HMBOX1: variants seen among roughly 807,000 people sequenced by gnomAD.
HMBOX1 encodes the protein homeobox-containing protein 1.
In HMBOX1, 14 loss-of-function variants were observed where a neutral mutation model predicts 54.5. That is an observed-to-expected ratio of 0.26 (90% CI 0.17 to 0.40). HMBOX1 has a LOEUF of 0.40. Ranked by LOEUF, HMBOX1 falls within the 10% of genes least tolerant of loss-of-function variation. The pLI, the probability that HMBOX1 is intolerant of heterozygous loss-of-function variation, is 1.00. For synonymous variants in HMBOX1, 160 were observed against 181.0 expected (o/e 0.88, Z 0.93); for missense variants, 332 against 514.4 (o/e 0.65, Z 3.43).
intron 4 of HMBOX1, among the ~76,000 whole-genome samples, chr8:28,989,473 G>A (rs1378975240): frequency 6.6e-6 from 1 of 151,976 alleles, no homozygotes; most frequent in Non-Finnish European, 1.5e-5. Flanking sequence ...GAAAAGTCTA[G>A]CCTTTCCCCG....
chr8:29,022,360 G>A (rs777698745), intron 6 of HMBOX1, among the ~76,000 whole-genome samples: 2 of 152,202 alleles, frequency 1.3e-5, no homozygotes, highest in Non-Finnish European at 2.9e-5. Flanking sequence ...TGAAGCTGCA[G>A]TGAGCTATGA....
intron 6 of HMBOX1, among the ~76,000 whole-genome samples, chr8:29,027,292 G>T (rs1802212529): frequency 6.6e-6 from 1 of 152,178 alleles, no homozygotes; most frequent in South Asian, 2.1e-4. Context: ...GTACTTACGG[G>T]CTGTGAGGCA....
At chr8:28,903,762 A>C (rs891399168) in intron 1 of HMBOX1, among the ~76,000 whole-genome samples, 5 of 152,256 alleles carry the variant, frequency 3.3e-5, no homozygotes, top group African/African-American at 9.6e-5. Context: ...AAGCATTAAA[A>C]ATTGATGACT....
At chr8:28,918,137 G>A (rs1563384195) in intron 1 of HMBOX1, among the ~76,000 whole-genome samples, 1 of 152,294 alleles carries the variant, frequency 6.6e-6, no homozygotes, top group South Asian at 2.1e-4. Context: ...AGTTTTCTTG[G>A]TTGTGATATT....
At chr8:28,944,007 A>G (rs975198411) in intron 1 of HMBOX1, among the ~76,000 whole-genome samples, 1 of 152,190 alleles carries the variant, frequency 6.6e-6, no homozygotes. Flanking sequence ...TTGTACATAC[A>G]GAGACACCTT....
chr8:28,934,535 C>G (rs2131941130), intron 1 of HMBOX1, among the ~76,000 whole-genome samples: 1 of 152,296 alleles, frequency 6.6e-6, no homozygotes, highest in East Asian at 1.9e-4. Flanking sequence ...CACAGACAAC[C>G]TAATTGTGCT....
intron 1 of HMBOX1, among the ~76,000 whole-genome samples, chr8:28,935,199 A>G (rs1263993017): frequency 1.3e-5 from 2 of 152,226 alleles, no homozygotes; most frequent in Non-Finnish European, 2.9e-5. Flanking sequence ...AGTTCTTTCC[A>G]AATTGTTGAT....
chr8:28,992,855 G>A (rs185495991), intron 4 of HMBOX1, among the ~76,000 whole-genome samples: 37 of 123,960 alleles, frequency 3.0e-4, no homozygotes, highest in Non-Finnish European at 4.9e-4. Context: ...GGGTGACAGT[G>A]CGAGACTCTG....
At chr8:28,900,715 GA>G (rs1813096566) in intron 1 of HMBOX1, among the ~76,000 whole-genome samples, 1 of 152,088 alleles carries the variant, frequency 6.6e-6, no homozygotes. Context: ...CTCTTAAGAA[GA>G]CAGTCTTTTT....
intron 6 of HMBOX1, among the ~76,000 whole-genome samples, chr8:29,022,471 C>A (rs980950850): frequency 1.2e-4 from 19 of 152,052 alleles, no homozygotes; most frequent in African/African-American, 4.6e-4. Flanking sequence ...GAAAAGATAA[C>A]AGCACTGTTT....
chr8:28,922,200 C>CAA (rs1817671335), intron 1 of HMBOX1, among the ~76,000 whole-genome samples: 1 of 152,182 alleles, frequency 6.6e-6, no homozygotes, highest in Non-Finnish European at 1.5e-5. Flanking sequence ...ACAATACAGT[C>CAA]AGACAACCAT....
chr8:29,015,817 A>T (rs922822522), intron 5 of HMBOX1, among the ~76,000 whole-genome samples: 2 of 152,244 alleles, frequency 1.3e-5, no homozygotes, highest in Non-Finnish European at 2.9e-5. Flanking sequence ...GATCTCTATC[A>T]TAGCTACTCA....
Position 29,047,471 on chromosome 8 carries a change from C to T in HMBOX1, c.1030+18C>T. On this transcript the variant is annotated intron_variant, in intron 8 of 9. Transcript: ENST00000287701. Reference sequence around the variant, plus strand: ...CAATATTGGTAATGTATCAGTGAGGCTGCTTTTCTCTTGTGCAGCAGTTGT... The same window carrying T: ...CAATATTGGTAATGTATCAGTGAGGTTGCTTTTCTCTTGTGCAGCAGTTGT... The T allele has an allele frequency of 7.7e-7, 1 of 1,295,288 alleles. No individual in the cohort carries two copies. The highest frequency in any genetic ancestry group is 1.1e-6 in the Non-Finnish European group (1 of 890,720). 80.2% of individuals were successfully genotyped at this position (1,295,288 alleles called of 1,614,324 possible).
chr8:28,975,826 G>A (rs1828266352), intron 3 of HMBOX1, among the ~76,000 whole-genome samples: 1 of 151,948 alleles, frequency 6.6e-6, no homozygotes, highest in Non-Finnish European at 1.5e-5. Context: ...AAGAGAGGAA[G>A]TGAGGGGTGG....
intron 1 of HMBOX1, among the ~76,000 whole-genome samples, chr8:28,937,190 T>C (rs1001368008): frequency 3.3e-5 from 5 of 152,236 alleles, no homozygotes; most frequent in African/African-American, 1.2e-4. Flanking sequence ...TGTCAGCATT[T>C]CTGTACAGAT....
chr8:28,967,223 A>G (rs756271915), intron 2 of HMBOX1, among the ~76,000 whole-genome samples: 2 of 152,188 alleles, frequency 1.3e-5, no homozygotes, highest in African/African-American at 2.4e-5. Flanking sequence ...AAGGTGGGGT[A>G]TTACGAGTGA....
chr8:28,922,842 G>C (rs770236633), intron 1 of HMBOX1, among the ~76,000 whole-genome samples: 48 of 151,940 alleles, frequency 3.2e-4, no homozygotes, highest in Non-Finnish European at 4.4e-5. Context: ...TACTTTTGTG[G>C]CATAATAATA....
Position 29,051,721 on chromosome 8 carries a change from T to C in HMBOX1, c.*566T>C. ...AGCCACACTGTGGCTAGATTATACT[T>C]CTTTGGGTGCTGTGCTAAGAATGTC... On this transcript the variant is annotated 3_prime_UTR_variant, in exon 10 of 10. Coordinates refer to ENST00000287701, the MANE Select transcript of HMBOX1 (RefSeq NM_001135726.3). 1 of 668,872 alleles carries C rather than the reference T, an allele frequency of 1.5e-6. No individual in the cohort carries two copies. Among genetic ancestry groups the C allele is most frequent in the Non-Finnish European group, 2.8e-6 (1 of 361,368 alleles). 41.4% of individuals were successfully genotyped at this position (668,872 alleles called of 1,614,324 possible). A position where few individuals can be genotyped will look rare whatever the true frequency, so the allele number is the denominator to read the frequency against.
chr8:29,001,247 T>C (rs1832594240), intron 4 of HMBOX1, among the ~76,000 whole-genome samples: 1 of 152,188 alleles, frequency 6.6e-6, no homozygotes, highest in Non-Finnish European at 1.5e-5. Flanking sequence ...CCCAAAGTTA[T>C]ATTTAAAAAT....
Sources: allele counts gnomAD v4.1 joint callset (sites outside exome capture counted in the v4.1 genomes callset), GRCh38; gene constraint gnomAD v4.1.1; transcripts MANE v1.5; gene names NCBI Gene and HGNC (gene_info 2026-07-23, HGNC 2026-07-21).